Variants in JADE3 observed in about 807,000 individuals in gnomAD.
The protein encoded by JADE3 is protein Jade-3.
JADE3 carries 2 observed loss-of-function variants against 50.1 expected under a neutral mutation model. The observed-to-expected ratio is 0.04, with a 90% CI of 0.02 to 0.13. JADE3 has a LOEUF of 0.13. Among genes scored for constraint, JADE3 ranks in the 10% least tolerant of loss-of-function variants. The pLI is 1.00. For missense variants in JADE3, 475 were observed against 634.4 expected (o/e 0.75, Z 2.70); for synonymous variants, 218 against 232.9 (o/e 0.94, Z 0.58).
rs782376086 is a variant in JADE3 at position 47,038,027 on chromosome X, AT to A, written c.856-921del. 7.2e-3 allele frequency among the ~76,000 whole-genome samples: 801 copies of A among 111,458 alleles called. 9 individuals carry two copies. The highest frequency in any genetic ancestry group is 0.014 in the Middle Eastern group (3 of 216). ...TTGTTTTTATTTTTAGATCCCACAA[AT>A]AAATGAGAACATGCAATGTGTGTCT... On this transcript the variant is annotated intron_variant, in intron 7 of 10. Coordinates refer to ENST00000614628, the MANE Select transcript of JADE3 (RefSeq NM_014735.5).
chrX:47,007,805 TTTTGTGTGTGTGTG>T (rs1197694511), intron 4 of JADE3, among the ~76,000 whole-genome samples: 104 of 79,839 alleles, frequency 1.3e-3, no homozygotes, highest in African/African-American at 4.6e-3. Context: ...TGTCCTTTTA[TTTTGTGTGTGTGTG>T]TGTGTGTGTG....
intron 3 of JADE3, among the ~76,000 whole-genome samples, chrX:46,988,132 G>A (rs782400043): frequency 7.8e-4 from 87 of 111,525 alleles, no homozygotes; most frequent in African/African-American, 2.7e-3. Flanking sequence ...GACTCTCCTT[G>A]GATGCCTGTT....
intron 1 of JADE3, among the ~76,000 whole-genome samples, chrX:46,937,841 C>T (rs1354548911): frequency 2.7e-5 from 3 of 110,130 alleles, no homozygotes; most frequent in Admixed American, 9.7e-5. Context: ...AGTAGCCGGG[C>T]ATGGTGGTGG....
intron 1 of JADE3, among the ~76,000 whole-genome samples, chrX:46,930,841 G>C (rs1333009073): frequency 2.7e-5 from 3 of 110,795 alleles, no homozygotes; most frequent in Non-Finnish European, 5.7e-5. Flanking sequence ...CTAACCCTGT[G>C]GGGTCAACCC....
At chrX:47,008,446 A>G (rs1928487034) in intron 4 of JADE3, among the ~76,000 whole-genome samples, 1 of 112,468 alleles carries the variant, frequency 8.9e-6, no homozygotes, top group South Asian at 3.6e-4. Flanking sequence ...GGAGTTAAGC[A>G]TTGTAATCTT....
At chrX:47,046,758 G>A (rs1367376351) in intron 8 of JADE3, among the ~76,000 whole-genome samples, 15 of 112,205 alleles carry the variant, frequency 1.3e-4, no homozygotes, top group African/African-American at 4.5e-4. Flanking sequence ...CAGTTGAAAC[G>A]ATCATACGGT....
intron 1 of JADE3, among the ~76,000 whole-genome samples, chrX:46,968,734 G>A (rs782136484): frequency 9.1e-6 from 1 of 110,359 alleles, no homozygotes; most frequent in Non-Finnish European, 1.9e-5. Flanking sequence ...AGAAGGCATA[G>A]CAATTTTAAA....
At chrX:46,921,339 A>G (rs1926216426) in intron 1 of JADE3, among the ~76,000 whole-genome samples, 1 of 112,557 alleles carries the variant, frequency 8.9e-6, no homozygotes, top group South Asian at 3.7e-4. Context: ...TTGGCTTCCC[A>G]AAGTGTTGGA....
chrX:47,032,022 G>A (rs952123908), intron 6 of JADE3, among the ~76,000 whole-genome samples: 40 of 111,264 alleles, frequency 3.6e-4, no homozygotes, highest in Admixed American at 6.7e-4. Flanking sequence ...AGTTTGAACC[G>A]GGTCTGGAAG....
At chrX:46,917,187 G>T (rs1217220785) in intron 1 of JADE3, among the ~76,000 whole-genome samples, 2 of 106,884 alleles carry the variant, frequency 1.9e-5, no homozygotes, top group Non-Finnish European at 3.9e-5. Flanking sequence ...GCAATGTATG[G>T]GGAAATTGCC....
chrX:47,015,677 A>G (rs1928656664), intron 4 of JADE3, among the ~76,000 whole-genome samples: 1 of 107,994 alleles, frequency 9.3e-6, no homozygotes, highest in Admixed American at 1.0e-4. Flanking sequence ...ATGTATTGGG[A>G]TACGCCATTT....
At chrX:47,016,632 C>T (rs905846114) in intron 4 of JADE3, among the ~76,000 whole-genome samples, 1 of 110,371 alleles carries the variant, frequency 9.1e-6, no homozygotes, top group African/African-American at 3.3e-5. Context: ...AAAGGCATAT[C>T]AAAGGATTTG....
At chrX:47,022,026 CCT>C (rs781940243) in intron 4 of JADE3, among the ~76,000 whole-genome samples, 1 of 112,247 alleles carries the variant, frequency 8.9e-6, no homozygotes, top group South Asian at 3.7e-4. Context: ...AATATATTCT[CCT>C]CTGTTTTCTT....
At chrX:46,985,074 C>A in intron 2 of JADE3, 134 bp downstream of exon 2, 1 of 491,046 alleles carries the variant, frequency 2.0e-6, no homozygotes, top group South Asian at 3.4e-5. Flanking sequence ...AAATTCAGGG[C>A]ACCATTATCT....
At chrX:46,982,997 CTGT>C (rs1435631707) in intron 1 of JADE3, among the ~76,000 whole-genome samples, 3 of 111,222 alleles carry the variant, frequency 2.7e-5, no homozygotes, top group Non-Finnish European at 5.7e-5. Flanking sequence ...CCCAGCTGCT[CTGT>C]TGTTTTAATC....
At position 47,054,553 on chromosome X, in the gene JADE3, G is replaced by T. The variant is rs1388670413; in HGVS notation, c.1368G>T (p.Gly456=). ...LFPPKEDEEN[G]LVQPKEESIH... ...CTCCAAAGGAGGATGAAGAAAATGGGCTGGTGCAGCCAAAAGAGGAAAGCA... is the reference window on the plus strand; with the variant it reads ...CTCCAAAGGAGGATGAAGAAAATGGTCTGGTGCAGCCAAAAGAGGAAAGCA... The change falls in exon 9 of 11, where the codon GGG becomes GGT. Residue 456 remains glycine, a synonymous_variant. Transcript: ENST00000614628. 8.3e-7 allele frequency: 1 copy of T among 1,210,546 alleles called. No homozygotes were observed. Among genetic ancestry groups the T allele is most frequent in the Non-Finnish European group, 1.1e-6 (1 of 894,617 alleles).
intron 8 of JADE3, among the ~76,000 whole-genome samples, chrX:47,052,633 C>CA (rs1195947563): frequency 0.044 from 826 of 18,829 alleles, 102 homozygotes; most frequent in Middle Eastern, 0.091. Flanking sequence ...GACTCTGTCT[C>CA]AAAAAAAAAA....
chrX:46,962,511 G>A (rs1315666678), intron 1 of JADE3, among the ~76,000 whole-genome samples: 2 of 111,210 alleles, frequency 1.8e-5, no homozygotes, highest in Admixed American at 1.9e-4. Flanking sequence ...GGACCCACAG[G>A]CTAATTACCT....
At chrX:46,943,094 CTT>C (rs1556342607) in intron 1 of JADE3, among the ~76,000 whole-genome samples, 5 of 112,122 alleles carry the variant, frequency 4.5e-5, no homozygotes, top group African/African-American at 1.6e-4. Flanking sequence ...ATCTAAGAGT[CTT>C]TTGGAGAATT....
Sources: allele counts gnomAD v4.1 joint callset (sites outside exome capture counted in the v4.1 genomes callset), GRCh38; gene constraint gnomAD v4.1.1; transcripts MANE v1.5; gene names NCBI Gene and HGNC (gene_info 2026-07-23, HGNC 2026-07-21).